The following OTOF variants were observed in gnomAD, a reference collection of about 807,000 sequenced individuals.
OTOF encodes otoferlin, also known as fer-1-like family member 2.
OTOF carries 218 observed loss-of-function variants against 236.8 expected under a neutral mutation model. The observed-to-expected ratio is 0.92, with a 90% confidence interval of 0.82 to 1.03. The LOEUF is 1.03. Among genes scored for constraint, OTOF ranks in the 50% least tolerant of loss-of-function variants. OTOF has a pLI of 0.00. For synonymous variants in OTOF, 1,041 were observed against 1,072.5 expected (o/e 0.97, Z 0.57); for missense variants, 2,590 against 2,694.4 (o/e 0.96, Z 0.86).
At chr2:26,519,181 G>A (rs1057220750) in intron 3 of OTOF, 72 bp from the exon 4 acceptor site, 25 of 1,026,194 alleles carry the variant, frequency 2.4e-5, no homozygotes, top group Non-Finnish European at 3.6e-5. Flanking sequence ...GACATCCCAA[G>A]GGCTGTGACT....
chr2:26,550,252 G>A (rs77507980), intron 1 of OTOF, among the ~76,000 whole-genome samples: 8,822 of 152,134 alleles, frequency 0.058, 260 homozygotes, highest in East Asian at 0.14. Context: ...GCGGTCAAGC[G>A]GTCTAGGGTA....
chr2:26,544,646 T>G (rs1366828476), intron 1 of OTOF, among the ~76,000 whole-genome samples: 1 of 152,192 alleles, frequency 6.6e-6, no homozygotes, highest in Non-Finnish European at 1.5e-5. Context: ...GCTGTAAACA[T>G]TCATGTGAGT....
chr2:26,557,668 C>A (rs1375943278), intron 1 of OTOF, among the ~76,000 whole-genome samples: 3 of 152,030 alleles, frequency 2.0e-5, no homozygotes, highest in African/African-American at 7.2e-5. Context: ...CTAGCTCCCA[C>A]CCGCTGGTCC....
rs1572412983 is a variant in OTOF at position 26,468,486 on chromosome 2, T to C, written c.4024-12A>G. On this transcript the variant is annotated splice_polypyrimidine_tract_variant and intron_variant, in intron 32 of 46. Coordinates refer to ENST00000272371, the MANE Select transcript of OTOF (RefSeq NM_194248.3). Reference sequence around the variant, plus strand: ...TGTTGTCGAAGTTGCTGCCAAAAGATGAGATGAAAAGGACAGAAGGTGGGT... The same window carrying C: ...TGTTGTCGAAGTTGCTGCCAAAAGACGAGATGAAAAGGACAGAAGGTGGGT... 1 of 1,611,308 alleles carries C rather than the reference T, an allele frequency of 6.2e-7. No individual in the cohort carries two copies. The highest frequency in any genetic ancestry group is 2.2e-5 in the East Asian group (1 of 44,852).
chr2:26,532,121 A>T lies in OTOF; in HGVS notation c.139-4201T>A, dbSNP rs186068800. On this transcript the variant is annotated intron_variant, in intron 2 of 46. Transcript: ENST00000272371. Reference sequence around the variant, plus strand: ...AAAAAAAAAAAAAAAAAAAAGACTGAAGGAAAAGGGCTTCTGAAGGAAGAA... The same window carrying T: ...AAAAAAAAAAAAAAAAAAAAGACTGTAGGAAAAGGGCTTCTGAAGGAAGAA... Among the ~76,000 whole-genome samples the T allele has an allele frequency of 5.3e-3, 790 of 147,704 alleles. 10 individuals carry two copies. The highest frequency in any genetic ancestry group is 0.019 in the African/African-American group (741 of 39,694).
intron 3 of OTOF, among the ~76,000 whole-genome samples, chr2:26,525,276 A>G (rs1666772819): frequency 6.6e-6 from 1 of 152,182 alleles, no homozygotes; most frequent in South Asian, 2.1e-4. Flanking sequence ...AAAGCTCCTA[A>G]TAAAACCCAC....
chr2:26,494,660 G>GA (rs1052825842), intron 9 of OTOF, among the ~76,000 whole-genome samples: 1 of 136,552 alleles, frequency 7.3e-6, no homozygotes, highest in Non-Finnish European at 1.6e-5. Flanking sequence ...GTGGGGTGGG[G>GA]GGGGGTTCTT....
Position 26,465,851 on chromosome 2 carries a change from G to A in OTOF, c.4629-9C>T, listed in dbSNP as rs72853726. 5,341 of 1,614,234 alleles carry A rather than the reference G, an allele frequency of 3.3e-3. 68 individuals carry two copies. In the African/African-American group the frequency reaches 0.039, roughly 12 times the overall value. ...CCTCGATGTCAAAGGACCTGGTGGG[G>A]TGGAGTTAGGAGAAGGGCTTAAGGA... On this transcript the variant is annotated splice_polypyrimidine_tract_variant and intron_variant, in intron 37 of 46. Transcript: ENST00000272371.
At chr2:26,465,596 C>G (rs974356195) in intron 38 of OTOF, 76 bp downstream of exon 38, 8 of 1,478,192 alleles carry the variant, frequency 5.4e-6, no homozygotes, top group Non-Finnish European at 7.6e-6. Context: ...CTCAAATCAC[C>G]AGGATCTGAA....
At position 26,461,613 on chromosome 2, in the gene OTOF, G is replaced by C; in HGVS notation, c.5533+83C>G. ...AATGACCCCTTGTCCCCCCAAGGCA[G>C]GGCTCTCCCTGTCCCCGCCAACCCG... On this transcript the variant is annotated intron_variant, in intron 43 of 46. Transcript: ENST00000272371. The surrounding 1 kb of genome is among the most constrained non-coding windows in gnomAD (Gnocchi z 6.2). 6.3e-7 allele frequency: 1 copy of C among 1,582,474 alleles called. No individual in the cohort carries two copies.
intron 1 of OTOF, among the ~76,000 whole-genome samples, chr2:26,556,684 G>C (rs1416050040): frequency 6.6e-6 from 1 of 152,150 alleles, no homozygotes; most frequent in Non-Finnish European, 1.5e-5. Flanking sequence ...TTGCAAGATT[G>C]AGTACTCAGG....
Position 26,535,522 on chromosome 2 carries a change from C to A in OTOF, c.138+2194G>T, listed in dbSNP as rs192984879. Among the ~76,000 whole-genome samples, 5 of 152,286 alleles carry A rather than the reference C, an allele frequency of 3.3e-5. No homozygotes were observed. In the East Asian group the frequency reaches 9.7e-4, roughly 29 times the overall value. The stretch of plus-strand genomic sequence containing the variant: ...CCAGTAGGCTCCTCATTGCAACAAC[C>A]AGAAACTTCCCTGTCTCCCCAGTGG... On this transcript the variant is annotated intron_variant, in intron 2 of 46. Coordinates refer to ENST00000272371, the MANE Select transcript of OTOF (RefSeq NM_194248.3).
chr2:26,482,665 G>A, intron 13 of OTOF, 73 bp from the exon 14 acceptor site: 1 of 1,318,942 alleles, frequency 7.6e-7, no homozygotes, highest in South Asian at 1.2e-5. Flanking sequence ...GTGTGTGAGT[G>A]GGCGCATGTG....
intron 5 of OTOF, among the ~76,000 whole-genome samples, chr2:26,506,754 C>G (rs1381253991): frequency 6.6e-6 from 1 of 152,196 alleles, no homozygotes; most frequent in Non-Finnish European, 1.5e-5. Context: ...AATCCCAGCA[C>G]TTTGGGAGGC....
chr2:26,531,536 C>T (rs1490888240), intron 2 of OTOF, among the ~76,000 whole-genome samples: 1 of 152,204 alleles, frequency 6.6e-6, no homozygotes, highest in Non-Finnish European at 1.5e-5. Flanking sequence ...CTGCAACTGC[C>T]TTGTCTCCTT....
chr2:26,529,509 G>A lies in OTOF; in HGVS notation c.139-1589C>T, dbSNP rs537976295. Among the ~76,000 whole-genome samples the A allele has an allele frequency of 2.6e-5, 4 of 152,308 alleles. No individual in the cohort carries two copies. In the South Asian group the frequency reaches 6.2e-4, roughly 24 times the overall value. Reference sequence around the variant, plus strand: ...AAACAAGGAACTCGGCCTCAGAGCAGATGCATGACTTGGAGCACTCTGTTG... The same window carrying A: ...AAACAAGGAACTCGGCCTCAGAGCAAATGCATGACTTGGAGCACTCTGTTG... On this transcript the variant is annotated intron_variant, in intron 2 of 46. Transcript: ENST00000272371.
intron 9 of OTOF, 36 bp from the exon 10 acceptor site, chr2:26,489,776 G>A (rs1412155842): frequency 6.5e-7 from 1 of 1,535,686 alleles, no homozygotes; most frequent in Admixed American, 1.7e-5. Flanking sequence ...CTGTCACTGA[G>A]GGCAGCAGCA....
rs979092925 is a variant in OTOF, at chr2:26,462,189, C to T, written c.5193-8G>A. On this transcript the variant is annotated splice_polypyrimidine_tract_variant and splice_region_variant and intron_variant, in intron 41 of 46. Coordinates refer to ENST00000272371, the MANE Select transcript of OTOF (RefSeq NM_194248.3). This position sits in a 1 kb window ranked among gnomAD's most constrained non-coding sequence, Gnocchi z 4.7. ...ATGACCCGCAGCTCGTACCTGGGCCCAGGGAGAGAAGGCTGGTTAGCAGCC... is the reference window on the plus strand; with the variant it reads ...ATGACCCGCAGCTCGTACCTGGGCCTAGGGAGAGAAGGCTGGTTAGCAGCC... The T allele has an allele frequency of 6.2e-7, 1 of 1,613,572 alleles. No individual in the cohort carries two copies. The highest frequency in any genetic ancestry group is 8.5e-7 in the Non-Finnish European group (1 of 1,179,564).
At chr2:26,523,446 C>T (rs528490900) in intron 3 of OTOF, among the ~76,000 whole-genome samples, 2 of 152,324 alleles carry the variant, frequency 1.3e-5, no homozygotes, top group South Asian at 4.2e-4. Context: ...GTCTCTCTCT[C>T]TGAGATGGCA....
Sources: allele counts gnomAD v4.1 joint callset (sites outside exome capture counted in the v4.1 genomes callset), GRCh38; gene constraint gnomAD v4.1.1; non-coding constraint Gnocchi (gnomAD v3.1); transcripts MANE v1.5; gene names NCBI Gene and HGNC (gene_info 2026-07-23, HGNC 2026-07-21).